The following LHFPL7 variants were observed in gnomAD, a reference collection of about 807,000 sequenced individuals.
The protein encoded by LHFPL7 is LHFPL tetraspan subfamily member 7.
At chr22:24,943,157 G>C in the LHFPL7 span, among the ~76,000 whole-genome samples, 1 of 152,100 alleles carries the variant, frequency 6.6e-6, no homozygotes, top group African/African-American at 2.4e-5. Flanking sequence ...TGGCAAGATA[G>C]TGAGGGGTGT....
the LHFPL7 span, among the ~76,000 whole-genome samples, chr22:24,937,099 G>A: frequency 6.6e-6 from 1 of 152,232 alleles, no homozygotes; most frequent in Non-Finnish European, 1.5e-5. Context: ...TTTGGAGAAA[G>A]AGGGACAATA....
chr22:24,943,146 T>A, the LHFPL7 span, among the ~76,000 whole-genome samples: 1 of 151,958 alleles, frequency 6.6e-6, no homozygotes. Context: ...CTCCTTTGGG[T>A]TGGCAAGATA....
chr22:24,942,779 A>G, the LHFPL7 span, among the ~76,000 whole-genome samples: 1 of 152,130 alleles, frequency 6.6e-6, no homozygotes. Context: ...GATATGATGG[A>G]AAAAGGCAGA....
the LHFPL7 span, among the ~76,000 whole-genome samples, chr22:24,939,969 C>A: frequency 1.4e-5 from 2 of 139,912 alleles, no homozygotes; most frequent in Non-Finnish European, 3.0e-5. Context: ...GCTCTGTCGC[C>A]CAGGCTGGAG....
the LHFPL7 span, among the ~76,000 whole-genome samples, chr22:24,945,077 G>C: frequency 6.6e-6 from 1 of 152,196 alleles, no homozygotes; most frequent in Middle Eastern, 3.4e-3. Flanking sequence ...CAAAGTGCTG[G>C]GATTACAGGT....
chr22:24,938,458 T>G, the LHFPL7 span, among the ~76,000 whole-genome samples: 1 of 152,238 alleles, frequency 6.6e-6, no homozygotes, highest in Non-Finnish European at 1.5e-5. Flanking sequence ...CCTCGCAGCA[T>G]GTGGTTTGTG....
the LHFPL7 span, among the ~76,000 whole-genome samples, chr22:24,936,337 T>C: frequency 6.6e-6 from 1 of 151,944 alleles, no homozygotes; most frequent in African/African-American, 2.4e-5. Flanking sequence ...ATTTTTCCTA[T>C]CCTTGCATCC....
At chr22:24,944,008 C>T in the LHFPL7 span, among the ~76,000 whole-genome samples, 3 of 152,104 alleles carry the variant, frequency 2.0e-5, no homozygotes, top group Non-Finnish European at 4.4e-5. Context: ...AACCCCCTAC[C>T]CCCAGGATAC....
At chr22:24,935,289 A>T in the LHFPL7 span, 2 of 1,570,784 alleles carry the variant, frequency 1.3e-6, no homozygotes, top group Non-Finnish European at 1.7e-6. Context: ...TGATGATTTC[A>T]TAAAACTCTG....
At chr22:24,942,066 ATTCACTGCAAGCTCTGCTTCC>A in the LHFPL7 span, among the ~76,000 whole-genome samples, 2 of 151,858 alleles carry the variant, frequency 1.3e-5, no homozygotes, top group African/African-American at 4.8e-5. Context: ...CACGATCTCC[ATTCACTGCAAGCTCTGCTTCC>A]CGGGTTCATG....
At chr22:24,939,243 A>G in the LHFPL7 span, 2 of 694,092 alleles carry the variant, frequency 2.9e-6, no homozygotes, top group African/African-American at 1.7e-5. Flanking sequence ...CAGTGAGGAA[A>G]GCCTCCTCGA....
At chr22:24,943,807 C>T in the LHFPL7 span, among the ~76,000 whole-genome samples, 1 of 152,122 alleles carries the variant, frequency 6.6e-6, no homozygotes, top group African/African-American at 2.4e-5. Flanking sequence ...AGGGATGATT[C>T]CAGAGAAGCC....
At chr22:24,944,775 T>A in the LHFPL7 span, among the ~76,000 whole-genome samples, 1 of 151,498 alleles carries the variant, frequency 6.6e-6, no homozygotes, top group East Asian at 1.9e-4. Flanking sequence ...TGAGGTGAGG[T>A]CTCTCTATGT....
the LHFPL7 span, among the ~76,000 whole-genome samples, chr22:24,937,891 C>T: frequency 1.4e-3 from 218 of 152,102 alleles, 1 homozygote; most frequent in East Asian, 0.033. Context: ...GATGGATGAG[C>T]GAGAAACAAA....
At chr22:24,942,177 G>A in the LHFPL7 span, among the ~76,000 whole-genome samples, 1 of 151,458 alleles carries the variant, frequency 6.6e-6, no homozygotes, top group African/African-American at 2.4e-5. Context: ...TGTATTTTTA[G>A]TAGAGACGGG....
the LHFPL7 span, among the ~76,000 whole-genome samples, chr22:24,937,893 A>T: frequency 6.6e-6 from 1 of 152,132 alleles, no homozygotes; most frequent in African/African-American, 2.4e-5. Context: ...TGGATGAGCG[A>T]GAAACAAAGG....
chr22:24,935,512 T>C, the LHFPL7 span: 1 of 1,613,916 alleles, frequency 6.2e-7, no homozygotes, highest in Non-Finnish European at 8.5e-7. Flanking sequence ...CCATAATACA[T>C]GGAGGAGGCT....
At chr22:24,944,886 C>T in the LHFPL7 span, among the ~76,000 whole-genome samples, 7 of 151,670 alleles carry the variant, frequency 4.6e-5, no homozygotes, top group Admixed American at 6.6e-5. Flanking sequence ...CTCGGCTCAC[C>T]CCAACCTCTG....
the LHFPL7 span, chr22:24,938,334 GC>G: frequency 1.9e-6 from 3 of 1,613,448 alleles, no homozygotes; most frequent in Non-Finnish European, 2.5e-6. Context: ...GCCAACAGGA[GC>G]CAGCCTCCGA....
Sources: allele counts gnomAD v4.1 joint callset (sites outside exome capture counted in the v4.1 genomes callset), GRCh38; gene constraint gnomAD v4.1.1; transcripts MANE v1.5; gene names NCBI Gene and HGNC (gene_info 2026-07-23, HGNC 2026-07-21).